Variants in LAMA4 observed in about 807,000 individuals in gnomAD.
LAMA4 encodes the protein laminin subunit alpha 4, also known as laminin subunit alpha-4.
In LAMA4, 127 loss-of-function variants were observed where a neutral mutation model predicts 207.1. The observed-to-expected ratio is 0.61, with a 90% confidence interval of 0.53 to 0.71. The LOEUF (loss-of-function observed/expected upper bound fraction) is 0.71. LAMA4 is among the 30% of genes least tolerant of loss of function. LAMA4 has a pLI of 0.00. For synonymous variants in LAMA4, 761 were observed against 816.0 expected (o/e 0.93, Z 1.15); for missense variants, 2,093 against 2,246.5 (o/e 0.93, Z 1.38).
At chr6:112,113,302 T>C (rs10456878) in intron 38 of LAMA4, among the ~76,000 whole-genome samples, 32,486 of 152,144 alleles carry the variant, frequency 0.21, 3,874 homozygotes, top group Middle Eastern at 0.27. Flanking sequence ...TGTACAACTA[T>C]GATATGTCAA....
chr6:112,140,168 T>A (rs1279119959), intron 22 of LAMA4, among the ~76,000 whole-genome samples: 4 of 152,194 alleles, frequency 2.6e-5, no homozygotes, highest in African/African-American at 9.7e-5. Context: ...CCAGCTTTGT[T>A]AGGTAGGTAT....
chr6:112,127,385 G>A (rs1778761304), intron 31 of LAMA4, among the ~76,000 whole-genome samples: 2 of 151,942 alleles, frequency 1.3e-5, no homozygotes, highest in Non-Finnish European at 2.9e-5. Context: ...AATTGTAGAA[G>A]GAGGAGAAGT....
Position 112,207,097 on chromosome 6 carries a change from C to T in LAMA4, c.346G>A (p.Gly116Ser), listed in dbSNP as rs782426549. Residue 116 changes from glycine (G) to serine (S), a missense_variant, in exon 4 of 39, where the codon GGT becomes AGT. By Grantham distance (56) the Gly-to-Ser change is moderately conservative (BLOSUM62 0). Transcript: ENST00000230538. Reference protein sequence around the residue: ...TGEHCEKCLDGYIGDSIRGAP... With the variant: ...TGEHCEKCLDSYIGDSIRGAP... ...CCCCTGATGGAATCTCCGATATAAC[C>T]ATCCAGACACTTTTCACAGTGCTCT... 1.2e-6 allele frequency: 2 copies of T among 1,613,880 alleles called. No homozygotes were observed. Among genetic ancestry groups the T allele is most frequent in the East Asian group, 4.5e-5 (2 of 44,878 alleles).
chr6:112,111,831 T>G (rs1490115199), intron 38 of LAMA4, among the ~76,000 whole-genome samples: 1 of 152,196 alleles, frequency 6.6e-6, no homozygotes, highest in Non-Finnish European at 1.5e-5. Flanking sequence ...TCTGTAGGGC[T>G]TAGCAACTCT....
chr6:112,160,820 T>C (rs777075937), intron 13 of LAMA4, among the ~76,000 whole-genome samples: 1 of 152,240 alleles, frequency 6.6e-6, no homozygotes, highest in Non-Finnish European at 1.5e-5. Flanking sequence ...TTGAGTATTC[T>C]AATCCATTCT....
intron 2 of LAMA4, among the ~76,000 whole-genome samples, chr6:112,241,122 T>G (rs1230191690): frequency 1.7e-5 from 2 of 120,974 alleles, no homozygotes; most frequent in Non-Finnish European, 3.5e-5. Flanking sequence ...TATGAATATA[T>G]ATATGAATAT....
intron 16 of LAMA4, among the ~76,000 whole-genome samples, chr6:112,151,087 T>C (rs1403677744): frequency 6.6e-6 from 1 of 151,944 alleles, no homozygotes; most frequent in African/African-American, 2.4e-5. Context: ...TTGACAAAAA[T>C]GTTCACAAAA....
chr6:112,216,478 G>T lies in LAMA4; in HGVS notation c.196-9C>A. On this transcript the variant is annotated splice_polypyrimidine_tract_variant and intron_variant, in intron 2 of 38. Coordinates refer to ENST00000230538, the MANE Select transcript of LAMA4 (RefSeq NM_001105206.3). The stretch of plus-strand genomic sequence containing the variant: ...AATCCAGCATTGCATTTCTGCAACA[G>T]ACACACCAAACCATTTTGATTATTG... 6.3e-7 allele frequency: 1 copy of T among 1,576,588 alleles called. No individual in the cohort carries two copies. The highest frequency in any genetic ancestry group is 8.7e-7 in the Non-Finnish European group (1 of 1,145,750).
intron 9 of LAMA4, among the ~76,000 whole-genome samples, chr6:112,181,537 C>T (rs1157960985): frequency 2.6e-5 from 4 of 152,158 alleles, no homozygotes; most frequent in African/African-American, 9.7e-5. Flanking sequence ...TCTCATAGTA[C>T]TTACCCCTTG....
intron 2 of LAMA4, among the ~76,000 whole-genome samples, chr6:112,242,116 GT>G (rs1326918219): frequency 5.9e-5 from 9 of 152,178 alleles, no homozygotes; most frequent in Non-Finnish European, 1.0e-4. Context: ...AGTCTTCAGT[GT>G]TTTGGTATCT....
chr6:112,126,301 G>C (rs902403457), intron 31 of LAMA4, among the ~76,000 whole-genome samples: 1 of 152,144 alleles, frequency 6.6e-6, no homozygotes, highest in Non-Finnish European at 1.5e-5. Context: ...CCTCTGACCA[G>C]TGTTCAAGTG....
At chr6:112,253,019 C>A (rs1277415436) in intron 2 of LAMA4, among the ~76,000 whole-genome samples, 2 of 152,204 alleles carry the variant, frequency 1.3e-5, no homozygotes, top group Non-Finnish European at 2.9e-5. Context: ...GAATTCATAG[C>A]AATAATCCAT....
chr6:112,214,889 A>T (rs1784543193), intron 3 of LAMA4, among the ~76,000 whole-genome samples: 1 of 152,248 alleles, frequency 6.6e-6, no homozygotes. Context: ...AGAGTGGCTT[A>T]GTCATTTCTT....
At position 112,141,516 on chromosome 6, in the gene LAMA4, G is replaced by T. The variant is rs782264610; in HGVS notation, c.2668-13C>A. 7.1e-6 allele frequency: 11 copies of T among 1,554,334 alleles called. No homozygotes were observed. Among genetic ancestry groups the T allele is most frequent in the Admixed American group, 3.3e-5 (2 of 59,884 alleles). The stretch of plus-strand genomic sequence containing the variant: ...ACTCTTTTTTGGCCTGAAATATCAA[G>T]AAGTAAGAAGTCATTTAAATAAAAT... On this transcript the variant is annotated splice_polypyrimidine_tract_variant and intron_variant, in intron 20 of 38. Coordinates refer to ENST00000230538, the MANE Select transcript of LAMA4 (RefSeq NM_001105206.3).
At chr6:112,111,971 A>G (rs1215506837) in intron 38 of LAMA4, among the ~76,000 whole-genome samples, 1 of 151,956 alleles carries the variant, frequency 6.6e-6, no homozygotes. Context: ...GTGAAGGACA[A>G]ATACTCCAAC....
chr6:112,130,080 G>A (rs1554329169), intron 29 of LAMA4, 40 bp from the exon 30 acceptor site: 1 of 1,575,122 alleles, frequency 6.3e-7, no homozygotes, highest in South Asian at 1.1e-5. Flanking sequence ...CACAGAGCTA[G>A]CATTTTACCT....
intron 5 of LAMA4, among the ~76,000 whole-genome samples, chr6:112,196,052 C>T (rs1419336862): frequency 4.6e-5 from 7 of 151,570 alleles, no homozygotes; most frequent in African/African-American, 1.7e-4. Context: ...TTTTTCTTGA[C>T]AGGTAATGAT....
intron 2 of LAMA4, among the ~76,000 whole-genome samples, chr6:112,229,686 G>A (rs1785434296): frequency 6.6e-6 from 1 of 152,134 alleles, no homozygotes; most frequent in South Asian, 2.1e-4. Flanking sequence ...ATCCATCTGG[G>A]GATTGAAGTT....
rs548921515 is a variant in LAMA4, at chr6:112,190,374, C to T, written c.719-1169G>A. ...CATTGCTTTTTTGTAGACATGTTTACTTTTATTGTGACTTCTGCAGAACAT... is the reference window on the plus strand; with the variant it reads ...CATTGCTTTTTTGTAGACATGTTTATTTTTATTGTGACTTCTGCAGAACAT... On this transcript the variant is annotated intron_variant, in intron 6 of 38. Coordinates refer to ENST00000230538, the MANE Select transcript of LAMA4 (RefSeq NM_001105206.3). Among the ~76,000 whole-genome samples the T allele has an allele frequency of 1.9e-4, 29 of 152,252 alleles. No individual in the cohort carries two copies. The South Asian group carries it at 6.0e-3, about 32-fold the overall frequency.
Sources: gnomAD v4.1 joint callset for allele counts (sites outside exome capture counted in the v4.1 genomes callset) on GRCh38, gnomAD v4.1.1 for gene constraint, MANE v1.5 for transcripts, NCBI Gene and HGNC (gene_info 2026-07-23, HGNC 2026-07-21) for gene names.